The following LY75 variants were observed in gnomAD, a reference collection of about 807,000 sequenced individuals.
The protein encoded by LY75 is C-type lectin domain family 13 member B.
LY75 carries 185 observed loss-of-function variants against 231.7 expected under a neutral mutation model. That is an observed-to-expected ratio of 0.80 (90% CI 0.71 to 0.90). LY75 has a LOEUF of 0.90. LY75 is among the 40% of genes least tolerant of loss of function. LY75 has a pLI of 0.00. For missense variants in LY75, 1,947 were observed against 2,050.2 expected (o/e 0.95, Z 0.97); for synonymous variants, 668 against 689.0 (o/e 0.97, Z 0.48).
intron 25 of LY75, among the ~76,000 whole-genome samples, chr2:159,839,441 T>C (rs1301508186): frequency 6.6e-6 from 1 of 152,222 alleles, no homozygotes; most frequent in Admixed American, 6.5e-5. Context: ...AGTAGGAGAC[T>C]AGCATTCTTT....
In LY75 at chr2:159,842,227, C is replaced by T. The variant is rs1408399014; in HGVS notation, c.3280+18G>A. The T allele has an allele frequency of 1.9e-6, 3 of 1,602,878 alleles. No individual in the cohort carries two copies. The South Asian group carries it at 3.3e-5, about 18-fold the overall frequency. On this transcript the variant is annotated intron_variant, in intron 24 of 34. Transcript: ENST00000263636. ...TAATAGCATAAAGTACCATAGTTAT[C>T]TAGATAATAATTGTTACCTGAATAT...
intron 28 of LY75, among the ~76,000 whole-genome samples, chr2:159,830,597 T>C (rs2125840469): frequency 6.6e-6 from 1 of 150,474 alleles, no homozygotes; most frequent in African/African-American, 2.4e-5. Flanking sequence ...TCTTTTTTTT[T>C]TTTTTTTGAG....
In LY75 at chr2:159,860,734, A is replaced by G. The variant is rs1374362551; in HGVS notation, c.2268+87T>C. ...TGCATCTAACATCATGCTTCACATA[A>G]AAAGACACTCCATGGATCTGTTACT... On this transcript the variant is annotated intron_variant, in intron 15 of 34. Transcript: ENST00000263636. The G allele has an allele frequency of 2.6e-6, 4 of 1,525,628 alleles. No individual in the cohort carries two copies. The African/African-American group carries it at 5.5e-5, about 21-fold the overall frequency. The allele number at this position is 1,525,628 out of a possible 1,614,324, so 94.5% of individuals were successfully genotyped here.
chr2:159,879,162 C>T (rs1434756787), intron 9 of LY75, 97 bp downstream of exon 9: 7 of 1,359,080 alleles, frequency 5.2e-6, no homozygotes, highest in South Asian at 1.4e-5. Context: ...GTAGTTTCCT[C>T]TATTTTATAA....
intron 2 of LY75, among the ~76,000 whole-genome samples, chr2:159,898,377 CTTTCCTCTAGGGTTTAG>C (rs1002986012): frequency 2.6e-5 from 4 of 152,134 alleles, no homozygotes; most frequent in Non-Finnish European, 4.4e-5. Context: ...CTAGGGTTTC[CTTTCCTCTAGGGTTTAG>C]AAGACCATCA....
rs763714484 is a variant in LY75, at chr2:159,805,116, C to T, written c.5097G>A (p.Ala1699=). ...GTGCATATCGAACTGATGAGAAACC[C>T]GCCAGGTGCAAACGGTGCCTTTGGA... The part of the protein sequence containing the change: ...FLFQRHRLHL[A]GFSSVRYAQG... The change falls in exon 35 of 35, where the codon GCG becomes GCA. Residue 1699 remains alanine, a synonymous_variant. Transcript: ENST00000263636. The T allele has an allele frequency of 5.6e-6, 9 of 1,614,072 alleles. No homozygotes were observed. The highest frequency in any genetic ancestry group is 4.4e-5 in the South Asian group (4 of 91,070).
chr2:159,850,095 A>G lies in LY75; in HGVS notation c.3035T>C (p.Ile1012Thr). Residue 1012 changes from isoleucine (I) to threonine (T), a missense_variant, in exon 23 of 35, where the codon ATT becomes ACT. By Grantham distance (89) the Ile-to-Thr change is moderately conservative. Transcript: ENST00000263636. Reference protein sequence around the residue: ...LLPDMEATLWIGLRWTAYEKI... With the variant: ...LLPDMEATLWTGLRWTAYEKI... ...TTCATAGGCAGTCCAGCGCAAACCA[A>G]TCCATAAAGTAGCTTCCATATCCGG... 1.2e-6 allele frequency: 2 copies of G among 1,613,728 alleles called. No individual in the cohort carries two copies. The highest frequency in any genetic ancestry group is 8.5e-7 in the Non-Finnish European group (1 of 1,179,840).
chr2:159,826,416 T>A (rs1683469470), intron 28 of LY75, among the ~76,000 whole-genome samples: 1 of 146,722 alleles, frequency 6.8e-6, no homozygotes, highest in African/African-American at 2.8e-5. Flanking sequence ...GAAGGACCTC[T>A]TCAAGGAGAA....
chr2:159,853,748 G>A, intron 18 of LY75, 51 bp from the exon 19 acceptor site: 1 of 1,609,298 alleles, frequency 6.2e-7, no homozygotes, highest in Admixed American at 1.7e-5. Context: ...CTTTCTTGAG[G>A]GTTTTGATTC....
At chr2:159,846,493 G>A (rs1341761511) in intron 23 of LY75, among the ~76,000 whole-genome samples, 1 of 152,080 alleles carries the variant, frequency 6.6e-6, no homozygotes, top group Non-Finnish European at 1.5e-5. Context: ...ACTCCAGCCT[G>A]GGTGACAGAG....
chr2:159,820,025 C>A, intron 28 of LY75, 105 bp from the exon 29 acceptor site: 2 of 1,159,160 alleles, frequency 1.7e-6, no homozygotes, highest in Non-Finnish European at 1.2e-6. Context: ...TTTTCCCAAC[C>A]TTCTAAAAGG....
intron 29 of LY75, among the ~76,000 whole-genome samples, chr2:159,817,564 T>C (rs772227537): frequency 7.2e-5 from 11 of 152,022 alleles, no homozygotes; most frequent in Non-Finnish European, 1.2e-4. Context: ...TTAAGCAAAA[T>C]ATTACAGAAT....
intron 3 of LY75, 96 bp downstream of exon 3, chr2:159,893,818 G>T: frequency 1.4e-6 from 2 of 1,411,538 alleles, no homozygotes; most frequent in South Asian, 2.9e-5. Flanking sequence ...TAATATTTTT[G>T]CAGTCACTTT....
At chr2:159,824,255 G>A (rs1683392132) in intron 28 of LY75, among the ~76,000 whole-genome samples, 2 of 152,058 alleles carry the variant, frequency 1.3e-5, no homozygotes, top group Admixed American at 6.5e-5. Flanking sequence ...CAAAATAAAG[G>A]GATGGAGGAA....
chr2:159,820,237 T>C (rs776582351), intron 28 of LY75, among the ~76,000 whole-genome samples: 2 of 152,226 alleles, frequency 1.3e-5, no homozygotes, highest in African/African-American at 4.8e-5. Context: ...TGCATGTTTA[T>C]AGCAGCACAA....
At chr2:159,903,151 G>C (rs1305406121) in intron 1 of LY75, 1 of 152,182 alleles carries the variant, frequency 6.6e-6, no homozygotes, top group African/African-American at 2.4e-5. Context: ...CAAAACCTGT[G>C]GGGACCTAGC....
intron 25 of LY75, among the ~76,000 whole-genome samples, chr2:159,837,099 A>G (rs1404768567): frequency 2.0e-5 from 3 of 151,356 alleles, no homozygotes; most frequent in Non-Finnish European, 4.4e-5. Context: ...CCCAAAAAAC[A>G]AAAATAGAAT....
Position 159,904,738 on chromosome 2 carries a change from C to G in LY75, c.-56G>C, listed in dbSNP as rs947516900. ...CCTCGGGCGCACGCGGCTCCCGCCC[C>G]GCCTGCTGAGCGCGGCCTGCCCCGC... On this transcript the variant is annotated 5_prime_UTR_variant, in exon 1 of 35. Coordinates refer to ENST00000263636, the MANE Select transcript of LY75 (RefSeq NM_002349.4). The G allele has an allele frequency of 8.8e-6, 12 of 1,361,318 alleles. No homozygotes were observed. The highest frequency in any genetic ancestry group is 1.1e-5 in the Non-Finnish European group (12 of 1,062,532). 84.3% of individuals were successfully genotyped at this position (1,361,318 alleles called of 1,614,324 possible). A position where few individuals can be genotyped will look rare whatever the true frequency, so the allele number is the denominator to read the frequency against.
chr2:159,885,293 T>C lies in LY75; in HGVS notation c.914A>G (p.Asp305Gly). 1.9e-6 allele frequency: 3 copies of C among 1,610,916 alleles called. No individual in the cohort carries two copies. Among genetic ancestry groups the C allele is most frequent in the Non-Finnish European group, 2.5e-6 (3 of 1,178,464 alleles). Residue 305 changes from aspartate (D) to glycine (G), a missense_variant and splice_region_variant, in exon 6 of 35, where the codon GAC (aspartate) becomes GGC (glycine). By Grantham distance (94) the Asp-to-Gly change is moderately conservative (BLOSUM62 -1). Coordinates refer to ENST00000263636, the MANE Select transcript of LY75 (RefSeq NM_002349.4). ...KPLNFLNWDP[D>G]RPSAPTIGGS... ...ACCTATAGTAGGTGCACTGGGCCTG[T>C]CTTAAAAGGGAACATTTTTCAAAGC...
Sources: allele counts gnomAD v4.1 joint callset (sites outside exome capture counted in the v4.1 genomes callset), GRCh38; gene constraint gnomAD v4.1.1; transcripts MANE v1.5; gene names NCBI Gene and HGNC (gene_info 2026-07-23, HGNC 2026-07-21).